ASAP2: variants seen among roughly 807,000 people sequenced by gnomAD.
ASAP2 encodes the protein ArfGAP with SH3 domain, ankyrin repeat and PH domain 2, also known as arf-GAP with SH3 domain, ANK repeat and PH domain-containing protein 2.
In ASAP2, 45 loss-of-function variants were observed where a neutral mutation model predicts 131.4. The ratio of observed to expected loss-of-function variants is 0.34; its 90% confidence interval spans 0.27 to 0.44. The LOEUF (loss-of-function observed/expected upper bound fraction) is 0.44, where lower values mean the gene tolerates loss of function less well. ASAP2 is among the 20% of genes least tolerant of loss of function. The pLI, the probability that ASAP2 is intolerant of heterozygous loss-of-function variation, is 1.00. For synonymous variants in ASAP2, 510 were observed against 503.0 expected (o/e 1.01, Z -0.19); for missense variants, 1,011 against 1,297.0 (o/e 0.78, Z 3.39).
In ASAP2 at chr2:9,317,808, T is replaced by A. The variant is rs560461778; in HGVS notation, c.346-716T>A. 2.3e-5 allele frequency among the ~76,000 whole-genome samples: 3 copies of A among 132,990 alleles called. No homozygotes were observed. In the South Asian group the frequency reaches 6.9e-4, roughly 31 times the overall value. 87.2% of individuals were successfully genotyped at this position (132,990 alleles called of 152,430 possible). On this transcript the variant is annotated intron_variant, in intron 3 of 27. Transcript: ENST00000281419. ...CCCATACACAATCGCATTCACACAC[T>A]CACACAATCACACCCTTAGTCCCTT...
In ASAP2 at chr2:9,403,195, C is replaced by T. The variant is rs1676899894; in HGVS notation, c.2947-58C>T. 4.6e-6 allele frequency: 7 copies of T among 1,522,606 alleles called. No homozygotes were observed. The South Asian group carries it at 5.7e-5, about 12-fold the overall frequency. 94.3% of individuals were successfully genotyped at this position (1,522,606 alleles called of 1,614,324 possible). ...ACCAAACGCTCTATGTAATGCTCTTCAAAGTTTCCACCAACATTTGGAATT... is the reference window on the plus strand; with the variant it reads ...ACCAAACGCTCTATGTAATGCTCTTTAAAGTTTCCACCAACATTTGGAATT... On this transcript the variant is annotated intron_variant, in intron 27 of 27. Transcript: ENST00000281419.
At chr2:9,387,093 AG>A (rs1466649207) in intron 21 of ASAP2, among the ~76,000 whole-genome samples, 2 of 150,302 alleles carry the variant, frequency 1.3e-5, no homozygotes, top group East Asian at 3.9e-4. Flanking sequence ...GGGCGCCTGT[AG>A]TCCCAGCTAC....
intron 11 of ASAP2, among the ~76,000 whole-genome samples, chr2:9,348,307 A>G (rs1026166589): frequency 6.7e-6 from 1 of 148,320 alleles, no homozygotes; most frequent in Non-Finnish European, 1.5e-5. Context: ...AGTAGAGACT[A>G]AAAATCTCTA....
At chr2:9,249,250 C>G (rs1664543423) in intron 1 of ASAP2, among the ~76,000 whole-genome samples, 1 of 152,342 alleles carries the variant, frequency 6.6e-6, no homozygotes, top group African/African-American at 2.4e-5. Context: ...CCTCAAACTC[C>G]ACCTTGAATG....
chr2:9,363,896 T>A (rs540135787), intron 15 of ASAP2, among the ~76,000 whole-genome samples: 1 of 152,344 alleles, frequency 6.6e-6, no homozygotes, highest in South Asian at 2.1e-4. Context: ...TCCAATGGAA[T>A]GGAAGTTGCA....
Position 9,317,093 on chromosome 2 carries a change from T to C in ASAP2, c.346-1431T>C, listed in dbSNP as rs115956330. Among the ~76,000 whole-genome samples, 889 of 92,040 alleles carry C rather than the reference T, an allele frequency of 9.7e-3. 12 individuals are homozygous for C. The highest frequency in any genetic ancestry group is 0.032 in the African/African-American group (839 of 26,472). 60.4% of individuals were successfully genotyped at this position (92,040 alleles called of 152,430 possible). A position where few individuals can be genotyped will look rare whatever the true frequency, so the allele number is the denominator to read the frequency against. On this transcript the variant is annotated intron_variant, in intron 3 of 27. Coordinates refer to ENST00000281419, the MANE Select transcript of ASAP2 (RefSeq NM_003887.3). ...CACAAAATCACATCCACACACACAC[T>C]CAACCACACTCATACCCCACGCAAT...
chr2:9,330,950 C>G (rs1384931575), intron 7 of ASAP2, among the ~76,000 whole-genome samples: 1 of 152,226 alleles, frequency 6.6e-6, no homozygotes, highest in Non-Finnish European at 1.5e-5. Flanking sequence ...TCAAATCAGT[C>G]AGGCAGCTTT....
intron 11 of ASAP2, among the ~76,000 whole-genome samples, chr2:9,347,483 A>C (rs1207454436): frequency 6.6e-6 from 1 of 152,252 alleles, no homozygotes; most frequent in East Asian, 1.9e-4. Flanking sequence ...GTCTAAGAGC[A>C]GAGCCTGGCA....
chr2:9,335,870 A>C (rs952195420), intron 9 of ASAP2, among the ~76,000 whole-genome samples: 2 of 152,252 alleles, frequency 1.3e-5, no homozygotes, highest in Non-Finnish European at 2.9e-5. Flanking sequence ...AATAAAAGGA[A>C]TGTATCTAAA....
chr2:9,365,985 A>G (rs952805108), intron 15 of ASAP2, among the ~76,000 whole-genome samples: 5 of 152,016 alleles, frequency 3.3e-5, no homozygotes, highest in Middle Eastern at 3.2e-3. Context: ...GCAGCCCACA[A>G]ATTCCTTCTG....
intron 1 of ASAP2, among the ~76,000 whole-genome samples, chr2:9,243,840 C>T (rs1372841569): frequency 2.6e-5 from 4 of 151,980 alleles, no homozygotes; most frequent in South Asian, 2.1e-4. Flanking sequence ...TGTGAGGGAC[C>T]GATATAAGTA....
chr2:9,272,990 A>T (rs565488314), intron 1 of ASAP2, among the ~76,000 whole-genome samples: 132 of 152,136 alleles, frequency 8.7e-4, no homozygotes, highest in Non-Finnish European at 1.8e-3. Context: ...TGGTTCCTCC[A>T]GTTTTGTTCT....
intron 1 of ASAP2, among the ~76,000 whole-genome samples, chr2:9,227,741 T>C (rs762903870): frequency 6.6e-6 from 1 of 152,228 alleles, no homozygotes; most frequent in Non-Finnish European, 1.5e-5. Context: ...TAAAAAAATA[T>C]GTGGGTAAGG....
chr2:9,270,421 A>AT lies in ASAP2; in HGVS notation c.127-8887dup, dbSNP rs201380277. 1.5e-3 allele frequency among the ~76,000 whole-genome samples: 233 copies of AT among 151,638 alleles called. 3 individuals carry two copies. The East Asian group carries it at 0.037, about 24-fold the overall frequency. On this transcript the variant is annotated intron_variant, in intron 1 of 27. Transcript: ENST00000281419. ...TTTTTTGTTGCTCTAAGATTTCAGT[A>AT]TTTTTTTTTAAATTTTTGATTATTG...
intron 1 of ASAP2, among the ~76,000 whole-genome samples, chr2:9,220,567 G>A (rs1231751048): frequency 6.6e-6 from 1 of 152,100 alleles, no homozygotes; most frequent in African/African-American, 2.4e-5. Flanking sequence ...TGGATTATTT[G>A]TCTTTTTATT....
At position 9,207,043 on chromosome 2, in the gene ASAP2, G is replaced by A; in HGVS notation, c.-62G>A. The A allele has an allele frequency of 2.2e-6, 3 of 1,350,138 alleles. No individual in the cohort carries two copies. The highest frequency in any genetic ancestry group is 2.9e-6 in the Non-Finnish European group (3 of 1,038,018). The allele number at this position is 1,350,138 out of a possible 1,614,324, so 83.6% of individuals were successfully genotyped here. A position where few individuals can be genotyped will look rare whatever the true frequency, so the allele number is the denominator to read the frequency against. On this transcript the variant is annotated 5_prime_UTR_variant, in exon 1 of 28. Transcript: ENST00000281419. The surrounding 1 kb of genome is among the most constrained non-coding windows in gnomAD (Gnocchi z 4.1). The stretch of plus-strand genomic sequence containing the variant: ...GGTGTCCGAGCGGCGGTCGGAGCCT[G>A]CTGCGGCAGTTGAGGCGGCGGCGCC...
intron 9 of ASAP2, among the ~76,000 whole-genome samples, chr2:9,337,945 C>T (rs978298215): frequency 6.6e-6 from 1 of 152,210 alleles, no homozygotes; most frequent in Non-Finnish European, 1.5e-5. Flanking sequence ...CAATGAGGAT[C>T]GAACTATGTA....
chr2:9,361,348 G>C (rs948566814), intron 15 of ASAP2, among the ~76,000 whole-genome samples: 1 of 152,160 alleles, frequency 6.6e-6, no homozygotes, highest in African/African-American at 2.4e-5. Context: ...GTGGTTCACA[G>C]GAGGTGGACA....
At position 9,207,439 on chromosome 2, in the gene ASAP2, C is replaced by T. The variant is rs553680094; in HGVS notation, c.126+209C>T. ...CCACCTTGGGCCTCTTTAAGACCTCCCCTCTCTCGGCCTCGTGGCCCTCGC... is the reference window on the plus strand; with the variant it reads ...CCACCTTGGGCCTCTTTAAGACCTCTCCTCTCTCGGCCTCGTGGCCCTCGC... On this transcript the variant is annotated intron_variant, in intron 1 of 27. Transcript: ENST00000281419. This position sits in a 1 kb window ranked among gnomAD's most constrained non-coding sequence, Gnocchi z 4.1. 4.9e-4 allele frequency among the ~76,000 whole-genome samples: 74 copies of T among 152,286 alleles called. No individual in the cohort carries two copies. The highest frequency in any genetic ancestry group is 6.8e-3 in the Middle Eastern group (2 of 292).
Sources: allele counts gnomAD v4.1 joint callset (sites outside exome capture counted in the v4.1 genomes callset), GRCh38; gene constraint gnomAD v4.1.1; non-coding constraint Gnocchi (gnomAD v3.1); transcripts MANE v1.5; gene names NCBI Gene and HGNC (gene_info 2026-07-23, HGNC 2026-07-21).